The following KIFAP3 variants were observed in gnomAD, a reference collection of about 807,000 sequenced individuals.
The protein encoded by KIFAP3 is kinesin-associated protein 3.
A neutral mutation model predicts 106.5 loss-of-function variants in KIFAP3; 68 were observed. The observed-to-expected ratio is 0.64, with a 90% CI of 0.53 to 0.78. The LOEUF (loss-of-function observed/expected upper bound fraction) is 0.78. Ranked by LOEUF, KIFAP3 falls within the 30% of genes least tolerant of loss-of-function variation. The pLI is 0.00. For missense variants in KIFAP3, 780 were observed against 941.8 expected (o/e 0.83, Z 2.25); for synonymous variants, 320 against 311.5 (o/e 1.03, Z -0.29).
In KIFAP3 at chr1:170,038,434, GAAAC is replaced by G. The variant is rs563969290; in HGVS notation, c.376-7_376-4del. The G allele has an allele frequency of 3.8e-5, 61 of 1,602,838 alleles. No homozygotes were observed. The highest frequency in any genetic ancestry group is 5.0e-5 in the Non-Finnish European group (59 of 1,177,020). ...TTAATGTTAGCAACTTCATCAATCT[GAAAC>G]AAAGAGGCAGAAAGTACTCATCAAC... is the stretch of plus-strand genomic sequence containing the variant. On this transcript the variant is annotated splice_region_variant and splice_polypyrimidine_tract_variant and intron_variant, in intron 4 of 19. Transcript: ENST00000361580.
At chr1:170,061,390 C>A (rs1462005809) in intron 1 of KIFAP3, among the ~76,000 whole-genome samples, 2 of 152,188 alleles carry the variant, frequency 1.3e-5, no homozygotes, top group African/African-American at 4.8e-5. Context: ...GACATTTATG[C>A]AGCCAAAAGA....
chr1:170,084,466 A>G (rs4656204), intron 1 of KIFAP3, among the ~76,000 whole-genome samples: 18,652 of 152,202 alleles, frequency 0.12, 1,354 homozygotes, highest in South Asian at 0.2. Context: ...CACTAGGTAT[A>G]TAAACAAATA....
At chr1:170,080,496 G>T (rs971458429) in intron 1 of KIFAP3, among the ~76,000 whole-genome samples, 1 of 151,964 alleles carries the variant, frequency 6.6e-6, no homozygotes, top group African/African-American at 2.4e-5. Flanking sequence ...ATGATTAAAA[G>T]ACCTACTATA....
At chr1:169,932,716 AGTT>A (rs1663562486) in intron 19 of KIFAP3, among the ~76,000 whole-genome samples, 2 of 20,890 alleles carry the variant, frequency 9.6e-5, no homozygotes, top group African/African-American at 4.6e-4. Flanking sequence ...ATTAATGTTA[AGTT>A]TTTTTTTTTG....
At chr1:169,966,051 T>C (rs1007067224) in intron 17 of KIFAP3, among the ~76,000 whole-genome samples, 3 of 151,860 alleles carry the variant, frequency 2.0e-5, no homozygotes, top group African/African-American at 7.2e-5. Flanking sequence ...GCCTAAAAAG[T>C]ATGGTAGCAA....
At chr1:169,923,562 A>G (rs1193118851) in intron 19 of KIFAP3, among the ~76,000 whole-genome samples, 1 of 152,028 alleles carries the variant, frequency 6.6e-6, no homozygotes, top group African/African-American at 2.4e-5. Context: ...TTTTTTAGCA[A>G]CTCCTCTGAG....
chr1:170,069,075 A>G (rs1030195389), intron 1 of KIFAP3, among the ~76,000 whole-genome samples: 3 of 151,906 alleles, frequency 2.0e-5, no homozygotes, highest in African/African-American at 7.3e-5. Flanking sequence ...TGATTAAAAA[A>G]TTACAAGAGA....
chr1:169,966,464 CAAAA>C (rs58208596), intron 17 of KIFAP3, among the ~76,000 whole-genome samples: 14,524 of 130,122 alleles, frequency 0.11, 786 homozygotes, highest in East Asian at 0.19. Flanking sequence ...CGGAAAATGG[CAAAA>C]AAAAAAAAAA....
intron 11 of KIFAP3, among the ~76,000 whole-genome samples, chr1:169,989,795 A>C (rs916372447): frequency 3.9e-5 from 6 of 152,204 alleles, no homozygotes; most frequent in Non-Finnish European, 7.4e-5. Flanking sequence ...TGTAAGTGAA[A>C]TGTTAAAATT....
rs537049271 is a variant in KIFAP3, at chr1:170,022,069, C to T, written c.1020+2349G>A. On this transcript the variant is annotated intron_variant, in intron 9 of 19. Coordinates refer to ENST00000361580, the MANE Select transcript of KIFAP3 (RefSeq NM_014970.4). ...GGTTCAAGTGATTCTCCTGCCTCAG[C>T]CTCCCAAAAAGCTGGGATAGCCAGC... 2.6e-5 allele frequency among the ~76,000 whole-genome samples: 4 copies of T among 151,000 alleles called. No individual in the cohort carries two copies. The East Asian group carries it at 7.8e-4, about 30-fold the overall frequency.
chr1:170,027,875 C>T (rs1030942206), intron 8 of KIFAP3, among the ~76,000 whole-genome samples: 13 of 151,496 alleles, frequency 8.6e-5, no homozygotes, highest in Non-Finnish European at 1.3e-4. Context: ...TTGCTCAAAA[C>T]GAATGATGAA....
At chr1:170,016,339 G>C in intron 10 of KIFAP3, 123 bp downstream of exon 10, 1 of 699,324 alleles carries the variant, frequency 1.4e-6, no homozygotes, top group Non-Finnish European at 2.4e-6. Context: ...TTATTATTTA[G>C]TTTCCAGTCA....
At chr1:169,943,415 C>T (rs1664248069) in intron 19 of KIFAP3, among the ~76,000 whole-genome samples, 1 of 151,948 alleles carries the variant, frequency 6.6e-6, no homozygotes, top group South Asian at 2.1e-4. Context: ...TTAAATCTAC[C>T]TTAAATTAGA....
At chr1:169,955,349 CACTT>C (rs1338037533) in intron 18 of KIFAP3, among the ~76,000 whole-genome samples, 1 of 151,992 alleles carries the variant, frequency 6.6e-6, no homozygotes, top group Non-Finnish European at 1.5e-5. Flanking sequence ...ATAAGACAAA[CACTT>C]AAGATGCAAT....
upstream of KIFAP3, among the ~76,000 whole-genome samples, chr1:170,078,765 T>C (rs184392202): frequency 5.9e-5 from 9 of 152,318 alleles, no homozygotes; most frequent in East Asian, 1.7e-3. Context: ...AGATACTTTC[T>C]GAAAATATAA....
chr1:170,009,953 T>G (rs1391956832), intron 10 of KIFAP3, among the ~76,000 whole-genome samples: 4 of 152,032 alleles, frequency 2.6e-5, no homozygotes, highest in African/African-American at 9.7e-5. Context: ...TAAAGCCAAG[T>G]TTTGTAAGTC....
chr1:170,009,852 C>A (rs976998731), intron 10 of KIFAP3, among the ~76,000 whole-genome samples: 1 of 152,036 alleles, frequency 6.6e-6, no homozygotes, highest in African/African-American at 2.4e-5. Flanking sequence ...TTTTGAAGAT[C>A]TGATTCTTGG....
chr1:169,968,277 C>T (rs545963), intron 17 of KIFAP3, among the ~76,000 whole-genome samples: 142,197 of 151,858 alleles, frequency 0.94, 66,658 homozygotes, highest in East Asian at 1. Flanking sequence ...AGTTAACCAC[C>T]GAAACATTAT....
intron 11 of KIFAP3, among the ~76,000 whole-genome samples, chr1:169,989,640 C>G (rs1667003148): frequency 6.6e-6 from 1 of 152,002 alleles, no homozygotes; most frequent in African/African-American, 2.4e-5. Flanking sequence ...TGCATTATCT[C>G]TATAAGACAC....
Sources: gnomAD v4.1 joint callset for allele counts (sites outside exome capture counted in the v4.1 genomes callset) on GRCh38, gnomAD v4.1.1 for gene constraint, MANE v1.5 for transcripts, NCBI Gene and HGNC (gene_info 2026-07-23, HGNC 2026-07-21) for gene names.